Variants in MIDEAS observed in about 807,000 individuals in gnomAD.
The protein encoded by MIDEAS is mitotic deacetylase associated SANT domain protein, also known as mitotic deacetylase-associated SANT domain protein.
MIDEAS carries 26 observed loss-of-function variants against 102.7 expected under a neutral mutation model. The ratio of observed to expected loss-of-function variants is 0.25; its 90% CI spans 0.19 to 0.35. The LOEUF is 0.35. Ranked by LOEUF, MIDEAS falls within the 10% of genes least tolerant of loss-of-function variation. The probability of loss-of-function intolerance (pLI) is 1.00; values close to 1 mark genes in which losing one functional copy is unlikely to be tolerated. For missense variants in MIDEAS, 1,231 were observed against 1,435.6 expected, an observed-to-expected ratio of 0.86 and a Z score of 2.30; for synonymous variants, 585 against 591.0, an observed-to-expected ratio of 0.99 and a Z score of 0.15.
At chr14:73,764,914 C>T (rs1038397250), upstream of MIDEAS, among the ~76,000 whole-genome samples, 2 of 152,208 alleles carry the variant, frequency 1.3e-5, no homozygotes, top group Non-Finnish European at 2.9e-5. Flanking sequence ...AGCCTCTGTA[C>T]ATGTCCCCAG....
intron 1 of MIDEAS, chr14:73,758,598 T>G (rs915881847): frequency 1.3e-5 from 2 of 153,112 alleles, no homozygotes; most frequent in South Asian, 4.1e-4. Context: ...TCTTCCCCCA[T>G]CCCACCGCCC....
chr14:73,754,014 T>C (rs988432653), intron 1 of MIDEAS, among the ~76,000 whole-genome samples: 4 of 151,998 alleles, frequency 2.6e-5, no homozygotes, highest in Admixed American at 6.6e-5. Flanking sequence ...CTGCAGGAAG[T>C]AGAAGGGACT....
In MIDEAS at chr14:73,738,615, T is replaced by C. The variant is rs372245487; in HGVS notation, c.1394A>G (p.Asn465Ser). The C allele has an allele frequency of 8.7e-6, 14 of 1,610,806 alleles. No homozygotes were observed. The highest frequency in any genetic ancestry group is 1.7e-4 in the Middle Eastern group (1 of 6,044). Reference sequence around the variant, plus strand: ...AGCCTTCTGGGCCAGGGTCAGCAAATTGGCCTCCTGGGATGCCCGGCGCCT... The same window carrying C: ...AGCCTTCTGGGCCAGGGTCAGCAAACTGGCCTCCTGGGATGCCCGGCGCCT... ...RRRRRASQEA[N>S]LLTLAQKAVE... Residue 465 changes from asparagine (N) to serine (S), a missense_variant, in exon 2 of 13, where the codon AAT (asparagine) becomes AGT (serine). Coordinates refer to ENST00000423556, the MANE Select transcript of MIDEAS (RefSeq NM_001367710.1).
At position 73,737,262 on chromosome 14, in the gene MIDEAS, T is replaced by C. The variant is rs1173438109; in HGVS notation, c.1485A>G (p.Val495=). 1.9e-6 allele frequency: 3 copies of C among 1,613,074 alleles called. No homozygotes were observed. The highest frequency in any genetic ancestry group is 1.1e-5 in the South Asian group (1 of 91,040). Residue 495 remains valine (V), a synonymous_variant, in exon 3 of 13, where the codon GTA becomes GTG. Coordinates refer to ENST00000423556, the MANE Select transcript of MIDEAS (RefSeq NM_001367710.1). ...CCCCACACTTGGTAGTTGAGGCCAA[T>C]ACACTTTTCCGCTTCTCTTCAGAAC... ...GSGSEEKRKS[V]LASTTKCGVE...
chr14:73,773,163 G>A (rs1350972194), intron 1 of MIDEAS, among the ~76,000 whole-genome samples: 1 of 150,140 alleles, frequency 6.7e-6, no homozygotes, highest in Non-Finnish European at 1.5e-5. Flanking sequence ...ATGTATATTT[G>A]TTCTTTGTGA....
At chr14:73,747,761 T>G (rs1309266398) in intron 1 of MIDEAS, among the ~76,000 whole-genome samples, 2 of 152,068 alleles carry the variant, frequency 1.3e-5, no homozygotes, top group African/African-American at 4.8e-5. Context: ...GTGGTGCCCA[T>G]GCACTGGAGC....
intron 4 of MIDEAS, 76 bp downstream of exon 4, chr14:73,729,564 C>T (rs1466118162): frequency 3.5e-6 from 4 of 1,149,422 alleles, no homozygotes; most frequent in Non-Finnish European, 3.7e-6. Flanking sequence ...TCCCCAGCAG[C>T]CCCACAGGCT....
chr14:73,743,933 G>A (rs2053316225), intron 1 of MIDEAS, among the ~76,000 whole-genome samples: 1 of 152,034 alleles, frequency 6.6e-6, no homozygotes, highest in African/African-American at 2.4e-5. Context: ...CAGACCCACA[G>A]GTACCCCTGG....
intron 5 of MIDEAS, 108 bp downstream of exon 5, chr14:73,727,350 C>A (rs1037995823): frequency 1.7e-6 from 2 of 1,163,982 alleles, no homozygotes; most frequent in Non-Finnish European, 2.5e-6. Flanking sequence ...GCCCTCTCAG[C>A]CCTCTGCAGG....
chr14:73,771,914 GAAGA>G (rs1339499289), intron 1 of MIDEAS, among the ~76,000 whole-genome samples: 2 of 152,272 alleles, frequency 1.3e-5, no homozygotes, highest in East Asian at 1.9e-4. Context: ...TGGAACTGCA[GAAGA>G]AAGACTCAGC....
Position 73,718,842 on chromosome 14 carries a change from C to T in MIDEAS, c.*1G>A. On this transcript the variant is annotated 3_prime_UTR_variant, in exon 13 of 13. Transcript: ENST00000423556. ...GGACTGGGCCAGCCTGGCTCCCGCG[C>T]TCAGCCCTTGTCGCCCGCACCGCTC... The T allele has an allele frequency of 1.4e-6, 2 of 1,463,990 alleles. No homozygotes were observed. The highest frequency in any genetic ancestry group is 9.0e-7 in the Non-Finnish European group (1 of 1,116,578). The allele number at this position is 1,463,990 out of a possible 1,614,324, so 90.7% of individuals were successfully genotyped here.
Position 73,742,261 on chromosome 14 carries a change from TCA to T in MIDEAS, c.-247-2008_-247-2007del, listed in dbSNP as rs2053292065. 6.6e-6 allele frequency among the ~76,000 whole-genome samples: 1 copy of T among 152,212 alleles called. No individual in the cohort carries two copies. The highest frequency in any genetic ancestry group is 1.5e-5 in the Non-Finnish European group (1 of 68,030). On this transcript the variant is annotated intron_variant, in intron 1 of 12. Transcript: ENST00000423556. The surrounding 1 kb of genome is among the most constrained non-coding windows in gnomAD (Gnocchi z 4.4). ...CCCTCCAGTGGGCGCTCACACACAC[TCA>T]CGCCTCCCTTCATCACAGCCCTGTC...
Position 73,738,754 on chromosome 14 carries a change from TG to T in MIDEAS, c.1254del (p.Asn419MetfsTer16). 1 of 1,609,340 alleles carries T rather than the reference TG, an allele frequency of 6.2e-7. No homozygotes were observed. Among genetic ancestry groups the T allele is most frequent in the South Asian group, 1.1e-5 (1 of 90,542 alleles). On this transcript the variant is annotated frameshift_variant, in exon 2 of 13. Coordinates refer to ENST00000423556, the MANE Select transcript of MIDEAS (RefSeq NM_001367710.1). LOFTEE classifies it high-confidence loss of function. ...GCAGGAGCCTCTCGCTCCCGGCCAT[TG>T]GGTGCTAGTCTCTCCCCATCAGGCA... ...QLLPDGERLA[P>X]NGREREAPAM...
chr14:73,755,794 CTACTA>C (rs1490397059), intron 1 of MIDEAS, among the ~76,000 whole-genome samples: 1 of 152,130 alleles, frequency 6.6e-6, no homozygotes, highest in Non-Finnish European at 1.5e-5. Flanking sequence ...GATTGCTTTC[CTACTA>C]TAAACAGGAC....
At chr14:73,719,251 C>G (rs1205319186) in intron 12 of MIDEAS, 54 bp downstream of exon 12, 2 of 1,559,324 alleles carry the variant, frequency 1.3e-6, no homozygotes, top group African/African-American at 2.7e-5. Context: ...ACCCCCGCCC[C>G]CTCCGCGCAC....
intron 4 of MIDEAS, chr14:73,728,682 AG>A (rs1291916738): frequency 6.6e-6 from 1 of 152,312 alleles, no homozygotes; most frequent in African/African-American, 2.4e-5. Context: ...CATTCTCTAT[AG>A]AACAGACCAT....
Position 73,738,541 on chromosome 14 carries a change from C to T in MIDEAS, c.1449+19G>A, listed in dbSNP as rs368518168. ...TGATGCCCTCTGCCAGGTGTGGCTC[C>T]ACTGCATGCCACTCTCACCTTTGCA... is the stretch of plus-strand genomic sequence containing the variant. On this transcript the variant is annotated intron_variant, in intron 2 of 12. Coordinates refer to ENST00000423556, the MANE Select transcript of MIDEAS (RefSeq NM_001367710.1). 4 of 1,515,166 alleles carry T rather than the reference C, an allele frequency of 2.6e-6. No homozygotes were observed. Among genetic ancestry groups the T allele is most frequent in the Non-Finnish European group, 3.5e-6 (4 of 1,127,316 alleles). 93.9% of individuals were successfully genotyped at this position (1,515,166 alleles called of 1,614,324 possible). A position where few individuals can be genotyped will look rare whatever the true frequency, so the allele number is the denominator to read the frequency against.
intron 1 of MIDEAS, among the ~76,000 whole-genome samples, chr14:73,774,629 A>G (rs2053673994): frequency 6.6e-6 from 1 of 151,894 alleles, no homozygotes; most frequent in Non-Finnish European, 1.5e-5. Context: ...TGTCCCCTCA[A>G]AGGCTTCCTC....
rs929847685 is a variant in MIDEAS at position 73,727,074 on chromosome 14, C to G, written c.2163-102G>C. The stretch of plus-strand genomic sequence containing the variant: ...AGAAGATGAGGGGGAGCCGGCAGAG[C>G]AAGGCCTCAGCTAGGTGTAGGGAGT... On this transcript the variant is annotated intron_variant, in intron 5 of 12. Transcript: ENST00000423556. 3.7e-5 allele frequency: 53 copies of G among 1,425,278 alleles called. No individual in the cohort carries two copies. In the African/African-American group the frequency reaches 6.7e-4, roughly 18 times the overall value. 88.3% of individuals were successfully genotyped at this position (1,425,278 alleles called of 1,614,324 possible).
Sources: gnomAD v4.1 joint callset for allele counts (sites outside exome capture counted in the v4.1 genomes callset) on GRCh38, gnomAD v4.1.1 for gene constraint, Gnocchi (gnomAD v3.1) non-coding constraint, MANE v1.5 for transcripts, NCBI Gene and HGNC (gene_info 2026-07-23, HGNC 2026-07-21) for gene names.